The following XPO7 variants were observed in gnomAD, a reference collection of about 807,000 sequenced individuals.
XPO7 encodes the protein exportin 7.
A neutral mutation model predicts 144.3 loss-of-function variants in XPO7; 21 were observed. The observed-to-expected ratio is 0.15, with a 90% CI of 0.10 to 0.21. XPO7 has a LOEUF of 0.21. Ranked by LOEUF, XPO7 falls within the 10% of genes least tolerant of loss-of-function variation. The pLI, the probability that XPO7 is intolerant of heterozygous loss-of-function variation, is 1.00. For missense variants in XPO7, 808 were observed against 1,325.8 expected (o/e 0.61, Z 6.06); for synonymous variants, 580 against 499.6 (o/e 1.16, Z -2.15).
chr8:21,952,230 T>TA (rs1305338563), intron 1 of XPO7, among the ~76,000 whole-genome samples: 1 of 152,212 alleles, frequency 6.6e-6, no homozygotes, highest in Non-Finnish European at 1.5e-5. Flanking sequence ...ACTTTTTTGT[T>TA]ACACAGTTTG....
rs373652063 is a variant in XPO7, at chr8:21,987,741, T to C, written c.1714-43T>C. 822 of 1,605,690 alleles carry C rather than the reference T, an allele frequency of 5.1e-4. 1 individual carries two copies. Among genetic ancestry groups the C allele is most frequent in the Non-Finnish European group, 6.8e-4 (795 of 1,174,010 alleles). Reference sequence around the variant, plus strand: ...CAAAAATAGTACCAGGATGTGATTGTTGTAATTCATGTGTTCTGGTTACTT... The same window carrying C: ...CAAAAATAGTACCAGGATGTGATTGCTGTAATTCATGTGTTCTGGTTACTT... On this transcript the variant is annotated intron_variant, in intron 14 of 27. Coordinates refer to ENST00000252512, the MANE Select transcript of XPO7 (RefSeq NM_015024.5).
chr8:21,945,891 G>A (rs556437377), intron 1 of XPO7, among the ~76,000 whole-genome samples: 5 of 152,278 alleles, frequency 3.3e-5, no homozygotes, highest in African/African-American at 1.2e-4. Context: ...AGACTGGAGT[G>A]TTGGGAGTAG....
intron 1 of XPO7, among the ~76,000 whole-genome samples, chr8:21,935,187 C>G (rs1810782072): frequency 6.6e-6 from 1 of 152,176 alleles, no homozygotes; most frequent in Non-Finnish European, 1.5e-5. Context: ...ATTTTGACTA[C>G]TCTATGATTA....
At chr8:21,952,491 C>T (rs1440834296) in intron 1 of XPO7, among the ~76,000 whole-genome samples, 1 of 152,108 alleles carries the variant, frequency 6.6e-6, no homozygotes, top group African/African-American at 2.4e-5. Flanking sequence ...GCTGACTTAT[C>T]TGTAGAGACA....
chr8:21,990,499 G>C (rs1812735792), intron 17 of XPO7, 92 bp downstream of exon 17: 1 of 1,418,020 alleles, frequency 7.1e-7, no homozygotes, highest in South Asian at 1.2e-5. Context: ...TGAGGTCCCG[G>C]GTATTGCTAC....
intron 3 of XPO7, chr8:21,969,879 C>CA (rs1811996521): frequency 3.7e-6 from 2 of 541,378 alleles, no homozygotes; most frequent in Non-Finnish European, 6.4e-6. Flanking sequence ...GTGTAGACCA[C>CA]GTTCTTTAGC....
chr8:21,957,646 A>G (rs540411525), intron 1 of XPO7, among the ~76,000 whole-genome samples: 56 of 152,288 alleles, frequency 3.7e-4, no homozygotes, highest in African/African-American at 1.2e-3. Flanking sequence ...TATGTGATCA[A>G]TCTGCCATTT....
At chr8:21,958,030 A>G (rs1471866679) in intron 1 of XPO7, among the ~76,000 whole-genome samples, 1 of 152,214 alleles carries the variant, frequency 6.6e-6, no homozygotes, top group African/African-American at 2.4e-5. Context: ...TGCATAATTA[A>G]TAGAAATGGC....
chr8:21,958,893 A>G (rs769829550), intron 1 of XPO7, among the ~76,000 whole-genome samples: 4 of 150,818 alleles, frequency 2.7e-5, no homozygotes, highest in African/African-American at 2.4e-5. Flanking sequence ...CCCGGGAGGT[A>G]GAGGTTGCAG....
At chr8:21,990,085 G>A (rs186430535) in intron 16 of XPO7, among the ~76,000 whole-genome samples, 3 of 151,738 alleles carry the variant, frequency 2.0e-5, no homozygotes, top group South Asian at 2.1e-4. Flanking sequence ...TCCTGACCTC[G>A]TGATCTGCCC....
chr8:21,961,138 TG>T (rs1428718986), intron 1 of XPO7, among the ~76,000 whole-genome samples: 1 of 152,004 alleles, frequency 6.6e-6, no homozygotes, highest in Non-Finnish European at 1.5e-5. Context: ...AGTGCTGCCA[TG>T]AGTGAGCTTA....
chr8:21,966,141 T>C (rs1811875152), intron 1 of XPO7: 2 of 636,094 alleles, frequency 3.1e-6, no homozygotes, highest in Non-Finnish European at 5.7e-6. Context: ...GTTCAAGATT[T>C]GGAGAGAAGA....
chr8:21,957,527 C>G (rs533211559), intron 1 of XPO7, among the ~76,000 whole-genome samples: 1 of 152,082 alleles, frequency 6.6e-6, no homozygotes, highest in African/African-American at 2.4e-5. Context: ...TGTCCTCTTT[C>G]CTGTCTTCCC....
intron 1 of XPO7, among the ~76,000 whole-genome samples, chr8:21,921,951 C>T (rs1810302836): frequency 6.6e-6 from 1 of 152,092 alleles, no homozygotes; most frequent in Non-Finnish European, 1.5e-5. Flanking sequence ...AGAAAACCTT[C>T]TTATGAAAAA....
chr8:21,947,614 G>T (rs1455953687), intron 1 of XPO7, among the ~76,000 whole-genome samples: 1 of 152,112 alleles, frequency 6.6e-6, no homozygotes, highest in Non-Finnish European at 1.5e-5. Context: ...AGAGCTCTTA[G>T]AAGATAATAT....
chr8:21,989,184 G>A, intron 16 of XPO7, 101 bp downstream of exon 16: 1 of 1,087,366 alleles, frequency 9.2e-7, no homozygotes, highest in South Asian at 1.5e-5. Context: ...TAGCTGTAGT[G>A]TGTACTCACA....
intron 24 of XPO7, 127 bp downstream of exon 24, chr8:21,999,801 T>C (rs1813077585): frequency 2.5e-6 from 3 of 1,213,580 alleles, no homozygotes; most frequent in African/African-American, 3.0e-5. Context: ...GCCATAACAA[T>C]AGAGTATATA....
chr8:21,981,466 C>G (rs1256450599), intron 9 of XPO7, among the ~76,000 whole-genome samples: 2 of 152,196 alleles, frequency 1.3e-5, no homozygotes, highest in African/African-American at 4.8e-5. Flanking sequence ...CTGTTTCAAA[C>G]TCTGTCCATT....
intron 1 of XPO7, among the ~76,000 whole-genome samples, chr8:21,920,097 C>T (rs1585406790): frequency 6.6e-6 from 1 of 151,980 alleles, no homozygotes; most frequent in African/African-American, 2.4e-5. Flanking sequence ...CGGGGGAGGC[C>T]TCCGTCAAGT....
Sources: allele counts gnomAD v4.1 joint callset (sites outside exome capture counted in the v4.1 genomes callset), GRCh38; gene constraint gnomAD v4.1.1; transcripts MANE v1.5; gene names NCBI Gene and HGNC (gene_info 2026-07-23, HGNC 2026-07-21).